DNM2: variants seen among roughly 807,000 people sequenced by gnomAD.
DNM2 encodes the protein dynamin 2.
In DNM2, 15 loss-of-function variants were observed where a neutral mutation model predicts 99.0. The observed-to-expected ratio is 0.15, with a 90% CI of 0.10 to 0.23. DNM2 has a LOEUF of 0.23. DNM2 is among the 10% of genes least tolerant of loss of function. The pLI, the probability that DNM2 is intolerant of heterozygous loss-of-function variation, is 1.00. For missense variants in DNM2, 742 were observed against 1,189.4 expected (o/e 0.62, Z 5.53); for synonymous variants, 525 against 481.2 (o/e 1.09, Z -1.19).
intron 3 of DNM2, among the ~76,000 whole-genome samples, chr19:10,774,881 C>T (rs1054643961): frequency 3.3e-5 from 5 of 151,620 alleles, no homozygotes; most frequent in Admixed American, 6.6e-5. Context: ...GCGATCCTCC[C>T]GCCTTAGTCT....
intron 10 of DNM2, among the ~76,000 whole-genome samples, chr19:10,797,733 G>C (rs149210732): frequency 2.0e-5 from 3 of 152,312 alleles, no homozygotes; most frequent in Non-Finnish European, 4.4e-5. Flanking sequence ...GTCAGCCTTT[G>C]TTGTTGCCAA....
Position 10,793,039 on chromosome 19 carries a change from G to A in DNM2, c.993-681G>A, listed in dbSNP as rs182198865. ...ATTGCAGGCATGAGCCACCGCACCC[G>A]GCCAATAAAACATTTTAACTTGTGT... On this transcript the variant is annotated intron_variant, in intron 7 of 20. Coordinates refer to ENST00000389253, the MANE Select transcript of DNM2 (RefSeq NM_001005361.3). Among the ~76,000 whole-genome samples the A allele has an allele frequency of 3.3e-4, 50 of 152,170 alleles. No individual in the cohort carries two copies. The South Asian group carries it at 6.8e-3, about 21-fold the overall frequency.
rs539454672 is a variant in DNM2, at chr19:10,831,606, C to T, written c.*559C>T. The T allele has an allele frequency of 1.2e-4, 116 of 985,896 alleles. 1 individual carries two copies. The highest frequency in any genetic ancestry group is 8.0e-4 in the South Asian group (17 of 21,296). The allele number at this position is 985,896 out of a possible 1,614,324, so 61.1% of individuals were successfully genotyped here. A position where few individuals can be genotyped will look rare whatever the true frequency, so the allele number is the denominator to read the frequency against. On this transcript the variant is annotated 3_prime_UTR_variant, in exon 21 of 21. Transcript: ENST00000389253. This position sits in a 1 kb window ranked among gnomAD's most constrained non-coding sequence, Gnocchi z 4.3. ...ACACAGCCTGAGCCTGGCCCAGCCT[C>T]GGCTGCCAGAGGTGCCTTTGCTAGG... is the stretch of plus-strand genomic sequence containing the variant.
intron 10 of DNM2, 71 bp from the exon 11 acceptor site, chr19:10,798,415 C>A: frequency 1.5e-6 from 2 of 1,292,738 alleles, no homozygotes; most frequent in Non-Finnish European, 2.2e-6. Context: ...GCATTTTCTA[C>A]CTGTGTGGTT....
At chr19:10,761,561 C>T (rs2070634527) in intron 2 of DNM2, among the ~76,000 whole-genome samples, 3 of 152,120 alleles carry the variant, frequency 2.0e-5, no homozygotes, top group Admixed American at 2.0e-4. Context: ...TCTGGGCGTT[C>T]AACACTCAGT....
intron 1 of DNM2, among the ~76,000 whole-genome samples, chr19:10,728,954 A>G (rs2145697361): frequency 6.6e-6 from 1 of 151,294 alleles, no homozygotes; most frequent in Non-Finnish European, 1.5e-5. Flanking sequence ...CAAAAAAAAA[A>G]AAAGGCTGTA....
intron 12 of DNM2, 109 bp from the exon 13 acceptor site, chr19:10,805,807 C>G: frequency 7.2e-7 from 1 of 1,395,872 alleles, no homozygotes; most frequent in Non-Finnish European, 1.0e-6. Context: ...CTGCCTCTAC[C>G]TGTGGCTGCT....
chr19:10,729,187 A>AAT (rs1568265488), intron 1 of DNM2, among the ~76,000 whole-genome samples: 11 of 147,734 alleles, frequency 7.4e-5, no homozygotes, highest in East Asian at 2.0e-4. Context: ...AAAAAAAAAA[A>AAT]AAATATAAAA....
At chr19:10,805,865 T>A (rs112080431) in intron 12 of DNM2, 51 bp from the exon 13 acceptor site, 2 of 1,613,526 alleles carry the variant, frequency 1.2e-6, no homozygotes. Context: ...CTTCCCCTTC[T>A]TCCCCCCCGG....
intron 7 of DNM2, 104 bp downstream of exon 7, chr19:10,786,810 A>T: frequency 1.3e-6 from 2 of 1,565,642 alleles, no homozygotes; most frequent in Non-Finnish European, 8.7e-7. Flanking sequence ...CCACTCATTG[A>T]TTCAGCAGAC....
At chr19:10,750,073 C>T (rs2070139109) in intron 1 of DNM2, among the ~76,000 whole-genome samples, 1 of 152,152 alleles carries the variant, frequency 6.6e-6, no homozygotes, top group Non-Finnish European at 1.5e-5. Context: ...AAGAGAGAAG[C>T]TTGGAGGCAG....
At chr19:10,731,625 A>G (rs1287452808) in intron 1 of DNM2, among the ~76,000 whole-genome samples, 1 of 152,192 alleles carries the variant, frequency 6.6e-6, no homozygotes, top group Non-Finnish European at 1.5e-5. Flanking sequence ...AGGCTCTGGG[A>G]TTACAGGCGT....
intron 1 of DNM2, among the ~76,000 whole-genome samples, chr19:10,756,880 CT>C (rs1303988405): frequency 6.6e-6 from 1 of 152,130 alleles, no homozygotes; most frequent in Non-Finnish European, 1.5e-5. Context: ...GGTTTCGCCC[CT>C]GATGTCACTC....
chr19:10,797,578 C>A lies in DNM2; in HGVS notation c.1335+60C>A, dbSNP rs188478893. ...CCGTCCTCCCCCTCCATGTGTTAGTCTCAACCCGAGCATCTGGAAAATTCA... is the reference window on the plus strand; with the variant it reads ...CCGTCCTCCCCCTCCATGTGTTAGTATCAACCCGAGCATCTGGAAAATTCA... On this transcript the variant is annotated intron_variant, in intron 10 of 20. Coordinates refer to ENST00000389253, the MANE Select transcript of DNM2 (RefSeq NM_001005361.3). 2,553 of 1,612,442 alleles carry A rather than the reference C, an allele frequency of 1.6e-3. 6 individuals carry two copies. The highest frequency in any genetic ancestry group is 4.6e-3 in the Admixed American group (276 of 59,986).
chr19:10,725,288 A>G (rs2069075425), intron 1 of DNM2, among the ~76,000 whole-genome samples: 1 of 152,156 alleles, frequency 6.6e-6, no homozygotes, highest in African/African-American at 2.4e-5. Context: ...TCTACTAAAA[A>G]TACAAAAATT....
At chr19:10,755,272 C>T (rs1273393261) in intron 1 of DNM2, 1 of 152,152 alleles carries the variant, frequency 6.6e-6, no homozygotes, top group African/African-American at 2.4e-5. Flanking sequence ...ACGAAGCAGA[C>T]AGGATGTCTG....
intron 1 of DNM2, among the ~76,000 whole-genome samples, chr19:10,758,323 CTCCCTCCTTCCTTCCCTCCT>C (rs2070476171): frequency 1.5e-5 from 1 of 64,876 alleles, no homozygotes; most frequent in Non-Finnish European, 3.3e-5. Flanking sequence ...CCTTCCTTCC[CTCCCTCCTTCCTTCCCTCCT>C]TCCTTCCCTC....
At chr19:10,723,103 C>T (rs926735624) in intron 1 of DNM2, among the ~76,000 whole-genome samples, 6 of 148,148 alleles carry the variant, frequency 4.1e-5, no homozygotes, top group Non-Finnish European at 7.4e-5. Flanking sequence ...GTAGCTGGGA[C>T]TACAGTTGCG....
rs937190713 is a variant in DNM2, at chr19:10,816,112, C to T, written c.1671+3735C>T. Among the ~76,000 whole-genome samples, 2 of 152,064 alleles carry T rather than the reference C, an allele frequency of 1.3e-5. No individual in the cohort carries two copies. The highest frequency in any genetic ancestry group is 2.9e-5 in the Non-Finnish European group (2 of 67,968). ...CGGTGACTTGCCCCACATCATGGAG[C>T]GGGGGAGGGTCCCCCTGGGGTGGAG... is the stretch of plus-strand genomic sequence containing the variant. On this transcript the variant is annotated intron_variant, in intron 15 of 20. Coordinates refer to ENST00000389253, the MANE Select transcript of DNM2 (RefSeq NM_001005361.3). This position sits in a 1 kb window ranked among gnomAD's most constrained non-coding sequence, Gnocchi z 4.6.
Sources: gnomAD v4.1 joint callset for allele counts (sites outside exome capture counted in the v4.1 genomes callset) on GRCh38, gnomAD v4.1.1 for gene constraint, Gnocchi (gnomAD v3.1) non-coding constraint, MANE v1.5 for transcripts, NCBI Gene and HGNC (gene_info 2026-07-23, HGNC 2026-07-21) for gene names.